EPHB1: variants seen among roughly 807,000 people sequenced by gnomAD.
The protein encoded by EPHB1 is ephrin type-B receptor 1.
In EPHB1, 30 loss-of-function variants were observed where a neutral mutation model predicts 94.4. The observed-to-expected ratio is 0.32, with a 90% CI of 0.24 to 0.43. The LOEUF is 0.43. Ranked by LOEUF, EPHB1 falls within the 20% of genes least tolerant of loss-of-function variation. The pLI is 1.00. For synonymous variants in EPHB1, 522 were observed against 489.1 expected (o/e 1.07, Z -0.89); for missense variants, 1,055 against 1,308.3 (o/e 0.81, Z 2.99).
At chr3:135,113,538 C>G (rs1939551328) in intron 4 of EPHB1, among the ~76,000 whole-genome samples, 1 of 152,160 alleles carries the variant, frequency 6.6e-6, no homozygotes, top group African/African-American at 2.4e-5. Flanking sequence ...CAGAGGCGGT[C>G]ATGCCACTTT....
rs111706636 is a variant in EPHB1 at position 135,010,316 on chromosome 3, T to C, written c.805+58264T>C. 1.1e-4 allele frequency among the ~76,000 whole-genome samples: 16 copies of C among 152,292 alleles called. No homozygotes were observed. The East Asian group carries it at 2.9e-3, about 28-fold the overall frequency. Reference sequence around the variant, plus strand: ...TCATCCCCCTACTCTGGATTTCTTATGTTACTACTTTTACATTGATGAGAT... The same window carrying C: ...TCATCCCCCTACTCTGGATTTCTTACGTTACTACTTTTACATTGATGAGAT... On this transcript the variant is annotated intron_variant, in intron 3 of 15. Transcript: ENST00000398015.
chr3:134,953,682 ACT>A (rs1239744618), intron 3 of EPHB1, among the ~76,000 whole-genome samples: 1 of 152,088 alleles, frequency 6.6e-6, no homozygotes, highest in Non-Finnish European at 1.5e-5. Flanking sequence ...TGGCTGGGGC[ACT>A]CTCATTTTTC....
At chr3:135,009,063 G>C (rs1337892629) in intron 3 of EPHB1, among the ~76,000 whole-genome samples, 1 of 152,186 alleles carries the variant, frequency 6.6e-6, no homozygotes, top group Non-Finnish European at 1.5e-5. Flanking sequence ...GAAAGGAACA[G>C]CATAAACCCC....
intron 3 of EPHB1, among the ~76,000 whole-genome samples, chr3:135,076,389 A>G (rs1937922817): frequency 6.7e-6 from 1 of 149,854 alleles, no homozygotes; most frequent in African/African-American, 2.4e-5. Context: ...CAACATCATT[A>G]GTCAGTAAGG....
chr3:134,825,919 A>C (rs977618518), intron 1 of EPHB1, among the ~76,000 whole-genome samples: 13 of 151,840 alleles, frequency 8.6e-5, no homozygotes, highest in African/African-American at 2.9e-4. Flanking sequence ...GTTTTTCTAC[A>C]TTTTATTTTA....
Position 135,162,327 on chromosome 3 carries a change from G to T in EPHB1, c.1585+147G>T, listed in dbSNP as rs1941532227. The T allele has an allele frequency of 3.1e-6, 3 of 956,130 alleles. No homozygotes were observed. In the African/African-American group the frequency reaches 5.1e-5, roughly 16 times the overall value. 59.2% of individuals were successfully genotyped at this position (956,130 alleles called of 1,614,324 possible). A position where few individuals can be genotyped will look rare whatever the true frequency, so the allele number is the denominator to read the frequency against. Reference sequence around the variant, plus strand: ...TTCAAACGGTTTGCCTCCCAGTAGGGCCATGTAGATTTTCCTGATGTCTGG... The same window carrying T: ...TTCAAACGGTTTGCCTCCCAGTAGGTCCATGTAGATTTTCCTGATGTCTGG... On this transcript the variant is annotated intron_variant, in intron 7 of 15. Coordinates refer to ENST00000398015, the MANE Select transcript of EPHB1 (RefSeq NM_004441.5).
intron 3 of EPHB1, among the ~76,000 whole-genome samples, chr3:135,003,428 A>ATT (rs1935262546): frequency 6.7e-6 from 1 of 148,878 alleles, no homozygotes; most frequent in South Asian, 2.2e-4. Context: ...AAAAAAATGT[A>ATT]TATTCTGTTG....
At chr3:134,852,009 T>G (rs768095338) in intron 1 of EPHB1, among the ~76,000 whole-genome samples, 22 of 152,196 alleles carry the variant, frequency 1.4e-4, no homozygotes, top group Non-Finnish European at 2.6e-4. Context: ...GGGTGGATTT[T>G]CAGTAGAATC....
intron 11 of EPHB1, among the ~76,000 whole-genome samples, chr3:135,196,855 C>T (rs1942633149): frequency 6.6e-6 from 1 of 152,114 alleles, no homozygotes; most frequent in African/African-American, 2.4e-5. Flanking sequence ...TATCAATTTT[C>T]TAAAAATTAT....
At chr3:134,927,536 G>C (rs1265786693) in intron 2 of EPHB1, among the ~76,000 whole-genome samples, 1 of 152,138 alleles carries the variant, frequency 6.6e-6, no homozygotes. Context: ...CATATCACCT[G>C]GATATTAAGA....
At chr3:135,162,352 G>T (rs536337073) in intron 7 of EPHB1, among the ~76,000 whole-genome samples, 172 bp downstream of exon 7, 3 of 152,314 alleles carry the variant, frequency 2.0e-5, no homozygotes, top group Middle Eastern at 3.4e-3. Flanking sequence ...CTGATGTCTG[G>T]CTCATTTCTC....
At chr3:135,148,028 T>TA (rs756706000) in intron 5 of EPHB1, among the ~76,000 whole-genome samples, 5 of 152,242 alleles carry the variant, frequency 3.3e-5, no homozygotes, top group Non-Finnish European at 7.3e-5. Flanking sequence ...AGTAAACTGT[T>TA]ATATCATTTG....
At chr3:135,040,527 G>A (rs980960424) in intron 3 of EPHB1, among the ~76,000 whole-genome samples, 3 of 152,244 alleles carry the variant, frequency 2.0e-5, no homozygotes, top group Non-Finnish European at 4.4e-5. Context: ...TGACCTGCAG[G>A]AGTGTGGGAC....
chr3:134,938,603 T>C (rs2039055876), intron 2 of EPHB1, among the ~76,000 whole-genome samples: 1 of 152,130 alleles, frequency 6.6e-6, no homozygotes, highest in Admixed American at 6.5e-5. Context: ...AGAAGAGTCA[T>C]AGAGCATACA....
chr3:135,245,054 A>T (rs1943886208), intron 13 of EPHB1, among the ~76,000 whole-genome samples: 1 of 152,224 alleles, frequency 6.6e-6, no homozygotes, highest in African/African-American at 2.4e-5. Flanking sequence ...CTGAAAAGTG[A>T]GAAAAGTCCT....
chr3:134,823,627 C>T (rs1421044679), intron 1 of EPHB1, among the ~76,000 whole-genome samples: 2 of 152,166 alleles, frequency 1.3e-5, no homozygotes, highest in Non-Finnish European at 2.9e-5. Context: ...AGAGTCTCTT[C>T]TAGGTCCAGC....
At chr3:134,896,762 C>A (rs528380685) in intron 1 of EPHB1, among the ~76,000 whole-genome samples, 1 of 152,368 alleles carries the variant, frequency 6.6e-6, no homozygotes, top group East Asian at 1.9e-4. Context: ...TGCTGGAAAG[C>A]ACCACAGGTT....
intron 3 of EPHB1, among the ~76,000 whole-genome samples, chr3:135,016,204 G>A (rs1935791734): frequency 6.6e-6 from 1 of 152,224 alleles, no homozygotes; most frequent in Non-Finnish European, 1.5e-5. Flanking sequence ...TACTAAAGAA[G>A]CAAGGTTTGG....
At chr3:134,991,109 C>T (rs7613213) in intron 3 of EPHB1, among the ~76,000 whole-genome samples, 45,493 of 151,994 alleles carry the variant, frequency 0.3, 7,293 homozygotes, top group Middle Eastern at 0.48. Flanking sequence ...TTTGCCCTGC[C>T]GTTTCTTTTC....
Sources: gnomAD v4.1 joint callset for allele counts (sites outside exome capture counted in the v4.1 genomes callset) on GRCh38, gnomAD v4.1.1 for gene constraint, MANE v1.5 for transcripts, NCBI Gene and HGNC (gene_info 2026-07-23, HGNC 2026-07-21) for gene names.